GPHN: variants seen among roughly 807,000 people sequenced by gnomAD.
GPHN encodes the protein gephyrin.
GPHN carries 17 observed loss-of-function variants against 95.5 expected under a neutral mutation model. That is an observed-to-expected ratio of 0.18 (90% CI 0.12 to 0.27). The LOEUF is 0.27. Among genes scored for constraint, GPHN ranks in the 10% least tolerant of loss-of-function variants. The pLI is 1.00. For missense variants in GPHN, 660 were observed against 978.1 expected (o/e 0.67, Z 4.34); for synonymous variants, 320 against 322.5 (o/e 0.99, Z 0.08).
intron 9 of GPHN, among the ~76,000 whole-genome samples, chr14:67,002,932 G>A (rs1052506882): frequency 6.6e-6 from 1 of 151,584 alleles, no homozygotes; most frequent in Non-Finnish European, 1.5e-5. Flanking sequence ...ATTGAAACAA[G>A]TATTAGCTCC....
the GPHN span, among the ~76,000 whole-genome samples, chr14:67,656,210 C>T: frequency 6.7e-6 from 1 of 149,372 alleles, no homozygotes; most frequent in Non-Finnish European, 1.5e-5. Context: ...CACGCCACTG[C>T]ACTCCAGCCT....
chr14:66,514,198 A>G (rs1045825005), intron 1 of GPHN, among the ~76,000 whole-genome samples: 1 of 152,046 alleles, frequency 6.6e-6, no homozygotes, highest in Non-Finnish European at 1.5e-5. Context: ...GCATAAGTAA[A>G]TTAGGCACAA....
chr14:67,476,704 C>T, the GPHN span, among the ~76,000 whole-genome samples: 5 of 152,154 alleles, frequency 3.3e-5, no homozygotes, highest in Non-Finnish European at 7.3e-5. Context: ...CCCCATATCC[C>T]AGGGCCAGTA....
chr14:67,622,832 T>C, the GPHN span, among the ~76,000 whole-genome samples: 1 of 152,204 alleles, frequency 6.6e-6, no homozygotes, highest in Non-Finnish European at 1.5e-5. Flanking sequence ...GGTTTCAGCC[T>C]CTTCTGGAGG....
the GPHN span, among the ~76,000 whole-genome samples, chr14:67,253,462 T>G: frequency 6.6e-6 from 1 of 152,224 alleles, no homozygotes; most frequent in Non-Finnish European, 1.5e-5. Context: ...CTGTTCAGCT[T>G]TATCAGCTTC....
the GPHN span, among the ~76,000 whole-genome samples, chr14:67,657,622 A>ACC: frequency 7.3e-6 from 1 of 136,590 alleles, no homozygotes; most frequent in African/African-American, 3.2e-5. Flanking sequence ...ACACACACAC[A>ACC]CCCAAAATCA....
At chr14:67,052,162 G>A (rs1239865402) in intron 10 of GPHN, among the ~76,000 whole-genome samples, 1 of 152,064 alleles carries the variant, frequency 6.6e-6, no homozygotes, top group African/African-American at 2.4e-5. Flanking sequence ...ACACAGAATG[G>A]CAAGCTGGAT....
the GPHN span, among the ~76,000 whole-genome samples, chr14:67,234,968 C>G: frequency 0.011 from 1,655 of 149,152 alleles, 18 homozygotes; most frequent in Non-Finnish European, 0.016. Flanking sequence ...CCAGCCTGGC[C>G]AACATGGCAA....
At chr14:67,303,977 A>T in the GPHN span, 5 of 175,732 alleles carry the variant, frequency 2.8e-5, no homozygotes, top group African/African-American at 7.2e-5. Context: ...CATGTTGGCC[A>T]GGCTGATCTT....
chr14:67,170,595 G>A (rs557263792), intron 21 of GPHN, among the ~76,000 whole-genome samples: 1 of 152,310 alleles, frequency 6.6e-6, no homozygotes, highest in South Asian at 2.1e-4. Context: ...ACAAAGATGA[G>A]ATGGTACTTT....
intron 2 of GPHN, among the ~76,000 whole-genome samples, chr14:66,746,021 T>G (rs1283364472): frequency 6.6e-6 from 1 of 152,144 alleles, no homozygotes; most frequent in East Asian, 1.9e-4. Flanking sequence ...ATTTATTCAT[T>G]TTTATGGTAG....
intron 1 of GPHN, among the ~76,000 whole-genome samples, chr14:66,660,196 T>C (rs570700371): frequency 3.3e-4 from 50 of 152,218 alleles, no homozygotes; most frequent in Non-Finnish European, 5.6e-4. Flanking sequence ...CTCAATACAA[T>C]TGCCTGAAAT....
At chr14:67,395,651 G>C in the GPHN span, 1 of 1,450,674 alleles carries the variant, frequency 6.9e-7, no homozygotes, top group Non-Finnish European at 9.6e-7. Flanking sequence ...CAGCAAAAAT[G>C]ACGGGGCCCC....
intron 2 of GPHN, among the ~76,000 whole-genome samples, chr14:66,692,043 T>C (rs767293170): frequency 3.8e-4 from 58 of 152,190 alleles, no homozygotes; most frequent in Non-Finnish European, 7.6e-4. Context: ...TGTGAGCAAA[T>C]GTTTGTTTTT....
downstream of GPHN, among the ~76,000 whole-genome samples, chr14:67,184,163 T>C (rs1404101574): frequency 6.6e-6 from 1 of 152,126 alleles, no homozygotes. Context: ...ACAAAATAGG[T>C]ATAAGATGTT....
At chr14:67,485,232 C>T in the GPHN span, among the ~76,000 whole-genome samples, 14 of 152,190 alleles carry the variant, frequency 9.2e-5, no homozygotes, top group East Asian at 3.8e-4. Context: ...TGAGGAACGA[C>T]GTTCCCACAG....
At chr14:67,014,238 A>G (rs1468625285) in intron 9 of GPHN, among the ~76,000 whole-genome samples, 3 of 151,918 alleles carry the variant, frequency 2.0e-5, no homozygotes, top group Non-Finnish European at 2.9e-5. Context: ...AGCACTTTAC[A>G]TGTATCTCTA....
the GPHN span, among the ~76,000 whole-genome samples, chr14:67,458,622 G>T: frequency 6.6e-6 from 1 of 152,182 alleles, no homozygotes; most frequent in African/African-American, 2.4e-5. Flanking sequence ...CCTTGCTTAA[G>T]GGAAGCTAGG....
the GPHN span, among the ~76,000 whole-genome samples, chr14:67,731,506 C>T: frequency 3.9e-5 from 6 of 152,122 alleles, no homozygotes; most frequent in South Asian, 6.2e-4. Flanking sequence ...TGAGCCACTG[C>T]GCCTGGTCTT....
Sources: allele counts gnomAD v4.1 joint callset (sites outside exome capture counted in the v4.1 genomes callset), GRCh38; gene constraint gnomAD v4.1.1; transcripts MANE v1.5; gene names NCBI Gene and HGNC (gene_info 2026-07-23, HGNC 2026-07-21).